Variants in TRAPPC9 observed in about 807,000 individuals in gnomAD.
TRAPPC9 encodes IKK2 binding protein.
Under a neutral mutation model 124.0 loss-of-function variants are expected in TRAPPC9, and 83 were observed. That is an observed-to-expected ratio of 0.67 (90% confidence interval 0.56 to 0.80). The LOEUF is 0.80. TRAPPC9 is among the 30% of genes least tolerant of loss of function. TRAPPC9 has a pLI of 0.00. For missense variants in TRAPPC9, 1,302 were observed against 1,508.3 expected (o/e 0.86, Z 2.27); for synonymous variants, 638 against 617.5 (o/e 1.03, Z -0.49).
At chr8:139,752,918 C>T (rs978886332) in intron 21 of TRAPPC9, among the ~76,000 whole-genome samples, 10 of 151,076 alleles carry the variant, frequency 6.6e-5, no homozygotes, top group Admixed American at 4.6e-4. Flanking sequence ...ATCCATCCAT[C>T]CAGCATCTAC....
chr8:140,346,785 T>C (rs2067361349), intron 9 of TRAPPC9, among the ~76,000 whole-genome samples: 1 of 152,198 alleles, frequency 6.6e-6, no homozygotes, highest in Non-Finnish European at 1.5e-5. Flanking sequence ...TCAAATATGC[T>C]AGAGAGAGAT....
chr8:140,210,708 C>T (rs542314157), intron 17 of TRAPPC9, among the ~76,000 whole-genome samples: 56 of 152,338 alleles, frequency 3.7e-4, no homozygotes, highest in African/African-American at 1.3e-3. Context: ...ACAGTCCCAA[C>T]TGCACACCTC....
At chr8:140,311,493 A>G in intron 9 of TRAPPC9, 119 bp from the exon 10 acceptor site, 1 of 1,242,794 alleles carries the variant, frequency 8.0e-7, no homozygotes, top group Non-Finnish European at 1.1e-6. Flanking sequence ...GACAGAAATG[A>G]AGGGGCAGTG....
intron 17 of TRAPPC9, among the ~76,000 whole-genome samples, chr8:140,220,883 T>A (rs577072507): frequency 1.3e-5 from 2 of 152,216 alleles, no homozygotes; most frequent in African/African-American, 4.8e-5. Flanking sequence ...CTCTACACGC[T>A]GTCCCTGGGC....
chr8:140,181,381 C>T (rs539817469), intron 17 of TRAPPC9, among the ~76,000 whole-genome samples: 70 of 152,296 alleles, frequency 4.6e-4, no homozygotes, highest in African/African-American at 1.5e-3. Context: ...CTGCCTGATC[C>T]TCCCAAGTAA....
chr8:140,382,602 G>A (rs2068640964), intron 7 of TRAPPC9, among the ~76,000 whole-genome samples: 1 of 152,240 alleles, frequency 6.6e-6, no homozygotes, highest in African/African-American at 2.4e-5. Context: ...AGGTGGCAGT[G>A]AGGCTGGGGG....
chr8:140,380,433 C>A (rs565922983), intron 7 of TRAPPC9, among the ~76,000 whole-genome samples: 1 of 151,980 alleles, frequency 6.6e-6, no homozygotes, highest in African/African-American at 2.4e-5. Context: ...GTGGGTGGAT[C>A]GCCTGAGGTC....
intron 7 of TRAPPC9, among the ~76,000 whole-genome samples, chr8:140,383,916 AG>A (rs1250186901): frequency 1.3e-5 from 2 of 152,218 alleles, no homozygotes; most frequent in African/African-American, 4.8e-5. Flanking sequence ...CCAGAGAGAA[AG>A]GTCGGGTTAC....
At chr8:140,135,862 GTTGGTTCAGGGA>G (rs1370436988) in intron 17 of TRAPPC9, among the ~76,000 whole-genome samples, 1 of 152,222 alleles carries the variant, frequency 6.6e-6, no homozygotes, top group Non-Finnish European at 1.5e-5. Flanking sequence ...AGAAGCAGTG[GTTGGTTCAGGGA>G]TTGCTGCTAT....
At chr8:139,921,161 A>G (rs986521757) in intron 19 of TRAPPC9, among the ~76,000 whole-genome samples, 2 of 152,238 alleles carry the variant, frequency 1.3e-5, no homozygotes, top group Admixed American at 1.3e-4. Flanking sequence ...ACTCGGCTGT[A>G]GTCTCCTGAG....
At chr8:140,320,779 C>A (rs2066571125) in intron 9 of TRAPPC9, among the ~76,000 whole-genome samples, 1 of 152,160 alleles carries the variant, frequency 6.6e-6, no homozygotes, top group Non-Finnish European at 1.5e-5. Flanking sequence ...AAGTGATTAG[C>A]CCAAAGTCAG....
At chr8:140,339,543 A>G (rs2067137886) in intron 9 of TRAPPC9, among the ~76,000 whole-genome samples, 1 of 152,222 alleles carries the variant, frequency 6.6e-6, no homozygotes, top group Admixed American at 6.5e-5. Context: ...ACACGTGGAA[A>G]GGCTAAGGAT....
chr8:139,932,982 C>T (rs1216482642), intron 19 of TRAPPC9: 1 of 158,678 alleles, frequency 6.3e-6, no homozygotes, highest in Non-Finnish European at 1.4e-5. Context: ...CAAATGCTTT[C>T]TCTTCAAGGC....
intron 9 of TRAPPC9, among the ~76,000 whole-genome samples, chr8:140,322,208 G>A (rs768574437): frequency 2.0e-5 from 3 of 152,138 alleles, no homozygotes; most frequent in Non-Finnish European, 4.4e-5. Context: ...TGGAAAGCTG[G>A]TGACTGGCTG....
At chr8:140,074,269 G>C (rs1843365771) in intron 17 of TRAPPC9, among the ~76,000 whole-genome samples, 3 of 152,158 alleles carry the variant, frequency 2.0e-5, no homozygotes, top group Non-Finnish European at 4.4e-5. Flanking sequence ...ACACTGGAGT[G>C]GGCGGGCCCT....
At chr8:139,794,273 G>A (rs774595523) in intron 21 of TRAPPC9, among the ~76,000 whole-genome samples, 5 of 152,146 alleles carry the variant, frequency 3.3e-5, no homozygotes, top group Non-Finnish European at 7.3e-5. Context: ...ACGATGTGCC[G>A]TGGGGTCAAA....
At chr8:140,311,424 G>A (rs1432967730) in intron 9 of TRAPPC9, 50 bp from the exon 10 acceptor site, 5 of 1,604,734 alleles carry the variant, frequency 3.1e-6, no homozygotes, top group Admixed American at 1.7e-5. Context: ...AAAAGTCAAA[G>A]TGGCTGGCTT....
At chr8:139,960,031 T>C (rs1029753260) in intron 19 of TRAPPC9, among the ~76,000 whole-genome samples, 3 of 152,232 alleles carry the variant, frequency 2.0e-5, no homozygotes, top group African/African-American at 4.8e-5. Flanking sequence ...GCAGACACTT[T>C]ATAGAGAACA....
At chr8:140,114,257 A>G (rs747299171) in intron 17 of TRAPPC9, among the ~76,000 whole-genome samples, 1 of 147,228 alleles carries the variant, frequency 6.8e-6, no homozygotes, top group Non-Finnish European at 1.5e-5. Flanking sequence ...CCCAGGCCAT[A>G]TATCCAGCGA....
Sources: gnomAD v4.1 joint callset for allele counts (sites outside exome capture counted in the v4.1 genomes callset) on GRCh38, gnomAD v4.1.1 for gene constraint, MANE v1.5 for transcripts, NCBI Gene and HGNC (gene_info 2026-07-23, HGNC 2026-07-21) for gene names.